The following SEMA5A variants were observed in gnomAD, a reference collection of about 807,000 sequenced individuals.
The protein encoded by SEMA5A is semaphorin-5A.
Under a neutral mutation model 135.5 loss-of-function variants are expected in SEMA5A, and 55 were observed. The ratio of observed to expected loss-of-function variants is 0.41; its 90% confidence interval spans 0.33 to 0.51. The LOEUF is 0.51. SEMA5A is among the 20% of genes least tolerant of loss of function. The pLI, the probability that SEMA5A is intolerant of heterozygous loss-of-function variation, is 0.37. For synonymous variants in SEMA5A, 580 were observed against 546.5 expected (o/e 1.06, Z -0.85); for missense variants, 1,290 against 1,419.9 (o/e 0.91, Z 1.47).
chr5:9,391,174 T>C lies in SEMA5A; in HGVS notation c.-77-11151A>G, dbSNP rs534359001. Among the ~76,000 whole-genome samples, 3 of 152,294 alleles carry C rather than the reference T, an allele frequency of 2.0e-5. No homozygotes were observed. In the South Asian group the frequency reaches 6.2e-4, roughly 32 times the overall value. On this transcript the variant is annotated intron_variant, in intron 2 of 22. Transcript: ENST00000382496. ...TGTCGGGCCTGAAAATGTGTTTTCT[T>C]AGAGAGGAAAATTTCACTAAGTAAC...
intron 10 of SEMA5A, among the ~76,000 whole-genome samples, chr5:9,193,819 C>A (rs1259021325): frequency 6.6e-6 from 1 of 152,152 alleles, no homozygotes; most frequent in Non-Finnish European, 1.5e-5. Context: ...ATTGCTTGAA[C>A]CCAGGAGGTA....
chr5:9,189,409 A>G (rs79794583), intron 11 of SEMA5A, among the ~76,000 whole-genome samples: 1 of 149,646 alleles, frequency 6.7e-6, no homozygotes, highest in Non-Finnish European at 1.5e-5. Flanking sequence ...AAAAAAAAAA[A>G]AACTAACTGG....
chr5:9,380,315 C>CTGTACTGT (rs1214533280), intron 2 of SEMA5A: 1 of 190,012 alleles, frequency 5.3e-6, no homozygotes, highest in African/African-American at 2.3e-5. Context: ...ACTGTCGTCA[C>CTGTACTGT]ACTCACTCCT....
chr5:9,135,177 T>G (rs982074446), intron 13 of SEMA5A, among the ~76,000 whole-genome samples: 1 of 143,468 alleles, frequency 7.0e-6, no homozygotes, highest in Non-Finnish European at 1.5e-5. Context: ...TTTTCCGACT[T>G]TCTTTTTTTT....
intron 3 of SEMA5A, among the ~76,000 whole-genome samples, chr5:9,345,525 T>TAAA (rs60077732): frequency 4.6e-4 from 67 of 144,694 alleles, no homozygotes; most frequent in African/African-American, 1.0e-3. Context: ...TTCCAGGATG[T>TAAA]AAAAAAAAAA....
At chr5:9,457,264 C>T (rs936816771) in intron 1 of SEMA5A, among the ~76,000 whole-genome samples, 1 of 152,222 alleles carries the variant, frequency 6.6e-6, no homozygotes, top group Non-Finnish European at 1.5e-5. Context: ...TCAAAAGCTC[C>T]TCAGAGGAGT....
chr5:9,392,824 A>G (rs943094675), intron 2 of SEMA5A, among the ~76,000 whole-genome samples: 2 of 152,254 alleles, frequency 1.3e-5, no homozygotes, highest in Non-Finnish European at 2.9e-5. Context: ...TAAACTCACT[A>G]TGAAGGCCAA....
rs534444657 is a variant in SEMA5A, at chr5:9,525,726, A to T, written c.-175+19858T>A. ...AAATCCTCACATGAAGTAGAACTAG[A>T]ATGAGAAAACTTTGATAAGGTTTCA... On this transcript the variant is annotated intron_variant, in intron 1 of 22. Transcript: ENST00000382496. 1.9e-4 allele frequency among the ~76,000 whole-genome samples: 29 copies of T among 152,362 alleles called. No homozygotes were observed. The South Asian group carries it at 2.1e-3, about 11-fold the overall frequency.
At chr5:9,067,310 G>C (rs561005238) in intron 16 of SEMA5A, among the ~76,000 whole-genome samples, 130 of 152,200 alleles carry the variant, frequency 8.5e-4, no homozygotes, top group Middle Eastern at 3.4e-3. Flanking sequence ...TGGAGGTCTG[G>C]CACGTGGAGA....
chr5:9,135,020 A>T (rs1741651081), intron 13 of SEMA5A, among the ~76,000 whole-genome samples: 1 of 152,096 alleles, frequency 6.6e-6, no homozygotes, highest in Non-Finnish European at 1.5e-5. Context: ...ACCCACAGCT[A>T]ATCCTACTAG....
chr5:9,105,623 C>A (rs1305800919), intron 16 of SEMA5A, among the ~76,000 whole-genome samples: 1 of 152,114 alleles, frequency 6.6e-6, no homozygotes, highest in Non-Finnish European at 1.5e-5. Flanking sequence ...ACCTGCCAGA[C>A]CTTACGGATG....
At chr5:9,108,734 G>A (rs1740061268) in intron 15 of SEMA5A, among the ~76,000 whole-genome samples, 1 of 152,094 alleles carries the variant, frequency 6.6e-6, no homozygotes, top group African/African-American at 2.4e-5. Context: ...TAAGCCCATA[G>A]TTATATTAGG....
chr5:9,228,909 C>A (rs866701630), intron 6 of SEMA5A, among the ~76,000 whole-genome samples: 1 of 152,180 alleles, frequency 6.6e-6, no homozygotes, highest in South Asian at 2.1e-4. Context: ...TTCCCATAAC[C>A]CAGTCTACTG....
At chr5:9,105,637 C>A (rs1298732642) in intron 16 of SEMA5A, among the ~76,000 whole-genome samples, 1 of 152,100 alleles carries the variant, frequency 6.6e-6, no homozygotes, top group African/African-American at 2.4e-5. Flanking sequence ...ACGGATGGCA[C>A]CCTCCTTGAT....
chr5:9,216,206 G>A (rs903297341), intron 8 of SEMA5A, among the ~76,000 whole-genome samples: 2 of 152,116 alleles, frequency 1.3e-5, no homozygotes, highest in East Asian at 1.9e-4. Context: ...TAGTTTCAAC[G>A]CACTTCTCGA....
intron 1 of SEMA5A, among the ~76,000 whole-genome samples, chr5:9,462,786 G>A (rs1309496164): frequency 6.6e-6 from 1 of 151,988 alleles, no homozygotes; most frequent in African/African-American, 2.4e-5. Flanking sequence ...GAGAACACAT[G>A]GACACAAAGA....
intron 1 of SEMA5A, among the ~76,000 whole-genome samples, chr5:9,527,047 C>T (rs370109181): frequency 1.3e-5 from 2 of 151,976 alleles, no homozygotes; most frequent in African/African-American, 2.4e-5. Context: ...GAGTGTAAGA[C>T]GGAAAGTGTG....
chr5:9,087,720 T>C (rs1340780085), intron 16 of SEMA5A, among the ~76,000 whole-genome samples: 2 of 152,130 alleles, frequency 1.3e-5, no homozygotes, highest in African/African-American at 2.4e-5. Flanking sequence ...TATAAGGTTA[T>C]CTAAACCAAC....
chr5:9,425,991 T>A (rs1757633775), intron 2 of SEMA5A, among the ~76,000 whole-genome samples: 1 of 152,172 alleles, frequency 6.6e-6, no homozygotes, highest in Admixed American at 6.5e-5. Context: ...AGAACCTGCA[T>A]GCTTGTTGAG....
Sources: gnomAD v4.1 joint callset for allele counts (sites outside exome capture counted in the v4.1 genomes callset) on GRCh38, gnomAD v4.1.1 for gene constraint, MANE v1.5 for transcripts, NCBI Gene and HGNC (gene_info 2026-07-23, HGNC 2026-07-21) for gene names.